The following NUBPL variants were observed in gnomAD, a reference collection of about 807,000 sequenced individuals.
NUBPL encodes iron-sulfur cluster transfer protein NUBPL.
A neutral mutation model predicts 45.7 loss-of-function variants in NUBPL; 31 were observed. That is an observed-to-expected ratio of 0.68 (90% confidence interval 0.51 to 0.92). The LOEUF is 0.92. NUBPL is among the 40% of genes least tolerant of loss of function. The pLI is 0.00. For missense variants in NUBPL, 401 were observed against 398.7 expected (o/e 1.01, Z -0.05); for synonymous variants, 144 against 140.9 (o/e 1.02, Z -0.15).
At chr14:31,840,967 C>T (rs148279746) in intron 8 of NUBPL, among the ~76,000 whole-genome samples, 7 of 152,144 alleles carry the variant, frequency 4.6e-5, no homozygotes, top group African/African-American at 9.6e-5. Flanking sequence ...TTTGTGTGTC[C>T]GGTTTATTTT....
At chr14:31,849,166 A>C (rs2040500435) in intron 9 of NUBPL, among the ~76,000 whole-genome samples, 1 of 152,242 alleles carries the variant, frequency 6.6e-6, no homozygotes, top group Non-Finnish European at 1.5e-5. Context: ...TTCATAGTAT[A>C]TACTGTAATA....
At chr14:31,836,051 G>A (rs1406376110) in intron 8 of NUBPL, among the ~76,000 whole-genome samples, 1 of 152,134 alleles carries the variant, frequency 6.6e-6, no homozygotes, top group East Asian at 1.9e-4. Context: ...GGTTTAAAAT[G>A]TGAAAAATAA....
intron 6 of NUBPL, among the ~76,000 whole-genome samples, chr14:31,775,451 A>C (rs180906334): frequency 4.7e-4 from 72 of 152,166 alleles, no homozygotes; most frequent in Non-Finnish European, 2.6e-4. Context: ...GAAAGCAAAA[A>C]AACAAAAGTG....
chr14:31,585,971 CA>C (rs2033986070), intron 3 of NUBPL, among the ~76,000 whole-genome samples: 1 of 152,166 alleles, frequency 6.6e-6, no homozygotes, highest in African/African-American at 2.4e-5. Context: ...TAGCAACTAA[CA>C]ATTAAAACAT....
chr14:31,635,815 A>G (rs1257313056), intron 4 of NUBPL, among the ~76,000 whole-genome samples: 1 of 151,998 alleles, frequency 6.6e-6, no homozygotes, highest in East Asian at 1.9e-4. Context: ...CATCCCTTGT[A>G]AGTTGGATTC....
At position 31,762,009 on chromosome 14, in the gene NUBPL, T is replaced by C. The variant is rs149676934; in HGVS notation, c.514-25771T>C. 2.0e-3 allele frequency among the ~76,000 whole-genome samples: 302 copies of C among 152,306 alleles called. 1 individual carries two copies. The highest frequency in any genetic ancestry group is 6.7e-3 in the African/African-American group (278 of 41,574). ...TTTTGGGGATCAGTTTTATAAATAA[T>C]TTTTCAACAGAAACATATCAGAAAG... On this transcript the variant is annotated intron_variant, in intron 6 of 10. Coordinates refer to ENST00000281081, the MANE Select transcript of NUBPL (RefSeq NM_025152.3).
Position 31,715,695 on chromosome 14 carries a change from CTG to C in NUBPL, c.513+42124_513+42125del, listed in dbSNP as rs925854351. Among the ~76,000 whole-genome samples, 16 of 152,316 alleles carry C rather than the reference CTG, an allele frequency of 1.1e-4. No homozygotes were observed. In the East Asian group the frequency reaches 2.1e-3, roughly 20 times the overall value. On this transcript the variant is annotated intron_variant, in intron 6 of 10. Transcript: ENST00000281081. ...ATGGAGCTTGCAGGACTGAAAGTTG[CTG>C]TGGGTGAGTCAGTAAGTGAGTGGTG...
chr14:31,822,035 G>A (rs2040026209), intron 7 of NUBPL, among the ~76,000 whole-genome samples: 1 of 152,146 alleles, frequency 6.6e-6, no homozygotes. Context: ...TCGAGGTAGG[G>A]AAGGGTAGTG....
At chr14:31,786,854 G>C (rs1317859465) in intron 6 of NUBPL, among the ~76,000 whole-genome samples, 1 of 152,210 alleles carries the variant, frequency 6.6e-6, no homozygotes, top group Non-Finnish European at 1.5e-5. Flanking sequence ...CAAGAGAAGA[G>C]TTTTAAACAA....
intron 4 of NUBPL, among the ~76,000 whole-genome samples, chr14:31,660,865 C>T (rs561630450): frequency 3.3e-5 from 5 of 152,010 alleles, no homozygotes; most frequent in African/African-American, 1.2e-4. Flanking sequence ...AGTTGATTCA[C>T]GAACAATGGA....
Position 31,562,072 on chromosome 14 carries a change from C to T in NUBPL, c.113C>T (p.Ser38Phe), listed in dbSNP as rs1478701714. The T allele has an allele frequency of 6.3e-7, 1 of 1,591,160 alleles. No individual in the cohort carries two copies. Among genetic ancestry groups the T allele is most frequent in the Non-Finnish European group, 8.6e-7 (1 of 1,168,292 alleles). Reference sequence around the variant, plus strand: ...TATTATTATTATTTTTTAAAGTTGTCTGGCGCCGGGAGTGAGACCCTAAAA... The same window carrying T: ...TATTATTATTATTTTTTAAAGTTGTTTGGCGCCGGGAGTGAGACCCTAAAA... ...SRAMVCGRQL[S>F]GAGSETLKQR... Residue 38 changes from serine to phenylalanine, a missense_variant, in exon 2 of 11, where the codon TCT becomes TTT. Coordinates refer to ENST00000281081, the MANE Select transcript of NUBPL (RefSeq NM_025152.3).
rs111786145 is a variant in NUBPL at position 31,760,628 on chromosome 14, C to T, written c.514-27152C>T. 4.7e-4 allele frequency among the ~76,000 whole-genome samples: 71 copies of T among 152,270 alleles called. 1 individual carries two copies. Among genetic ancestry groups the T allele is most frequent in the East Asian group, 1.7e-3 (9 of 5,186 alleles). On this transcript the variant is annotated intron_variant, in intron 6 of 10. Transcript: ENST00000281081. ...ACATAATACCTTCTAGATTCATCCA[C>T]GCTGTCATAAATGACAGGATTTCCT...
intron 4 of NUBPL, among the ~76,000 whole-genome samples, chr14:31,611,873 A>G (rs572543939): frequency 1.3e-5 from 2 of 152,356 alleles, no homozygotes; most frequent in South Asian, 2.1e-4. Flanking sequence ...ATTTGTATGC[A>G]AAAGAATGAA....
chr14:31,715,960 A>G (rs1396376891), intron 6 of NUBPL, among the ~76,000 whole-genome samples: 1 of 152,124 alleles, frequency 6.6e-6, no homozygotes, highest in Non-Finnish European at 1.5e-5. Flanking sequence ...CTTTCTTTAC[A>G]TCCTTTTTTC....
intron 6 of NUBPL, among the ~76,000 whole-genome samples, chr14:31,726,578 A>C (rs1051873567): frequency 1.3e-5 from 2 of 152,192 alleles, no homozygotes; most frequent in Non-Finnish European, 2.9e-5. Context: ...TATAAGCTAT[A>C]TGAAAGCAGA....
chr14:31,846,970 AC>A, intron 9 of NUBPL, among the ~76,000 whole-genome samples: 2 of 152,134 alleles, frequency 1.3e-5, no homozygotes, highest in Admixed American at 6.5e-5. Flanking sequence ...AAAACAAAAA[AC>A]AAAAAACAGT....
intron 7 of NUBPL, among the ~76,000 whole-genome samples, chr14:31,818,517 G>A (rs147945784): frequency 3.3e-5 from 5 of 152,058 alleles, no homozygotes; most frequent in Admixed American, 2.0e-4. Context: ...TTATTATTGT[G>A]TTTAATTCTT....
Position 31,729,096 on chromosome 14 carries a change from C to G in NUBPL, c.513+55522C>G, listed in dbSNP as rs535535788. Among the ~76,000 whole-genome samples the G allele has an allele frequency of 2.0e-5, 3 of 152,230 alleles. 1 individual carries two copies. In the South Asian group the frequency reaches 6.2e-4, roughly 32 times the overall value. On this transcript the variant is annotated intron_variant, in intron 6 of 10. Coordinates refer to ENST00000281081, the MANE Select transcript of NUBPL (RefSeq NM_025152.3). ...AGGAGTTTGAGACCAGCCTGGCCAA[C>G]ATGGAGAAACCCCTTCTCTACTAAA...
chr14:31,816,668 G>A (rs978130774), intron 7 of NUBPL, among the ~76,000 whole-genome samples: 8 of 152,128 alleles, frequency 5.3e-5, no homozygotes, highest in African/African-American at 1.9e-4. Flanking sequence ...TGGGCATTTA[G>A]TGCTATAAAT....
Sources: gnomAD v4.1 joint callset for allele counts (sites outside exome capture counted in the v4.1 genomes callset) on GRCh38, gnomAD v4.1.1 for gene constraint, MANE v1.5 for transcripts, NCBI Gene and HGNC (gene_info 2026-07-23, HGNC 2026-07-21) for gene names.